The following ARHGEF26 variants were observed in gnomAD, a reference collection of about 807,000 sequenced individuals.
ARHGEF26 encodes Rho guanine nucleotide exchange factor 26, also known as Rho guanine nucleotide exchange factor (GEF) 26.
A neutral mutation model predicts 89.4 loss-of-function variants in ARHGEF26; 59 were observed. The ratio of observed to expected loss-of-function variants is 0.66; its 90% CI spans 0.54 to 0.82. The LOEUF (loss-of-function observed/expected upper bound fraction) is 0.82, where lower values mean the gene tolerates loss of function less well. Ranked by LOEUF, ARHGEF26 falls within the 40% of genes least tolerant of loss-of-function variation. The pLI is 0.00. For synonymous variants in ARHGEF26, 500 were observed against 428.4 expected (o/e 1.17, Z -2.06); for missense variants, 1,234 against 1,085.6 (o/e 1.14, Z -1.92).
At position 154,122,243 on chromosome 3, in the gene ARHGEF26, T is replaced by C. The variant is rs771585188; in HGVS notation, c.251T>C (p.Leu84Pro). The C allele has an allele frequency of 2.5e-6, 4 of 1,611,292 alleles. No homozygotes were observed. In the South Asian group the frequency reaches 3.3e-5, roughly 13 times the overall value. Residue 84 changes from leucine to proline, a missense_variant, in exon 2 of 15, where the codon CTG becomes CCG. Coordinates refer to ENST00000465093, the MANE Select transcript of ARHGEF26 (RefSeq NM_015595.4). ...SRTVHRSPLL[L>P]GAQRRAVANG... ...ACGGTACATAGGAGCCCCCTGCTTC[T>C]GGGCGCCCAGCGGAGAGCGGTGGCC...
chr3:154,123,943 T>C (rs2108034079), intron 2 of ARHGEF26, among the ~76,000 whole-genome samples: 1 of 152,334 alleles, frequency 6.6e-6, no homozygotes, highest in Non-Finnish European at 1.5e-5. Context: ...CAGCCACATT[T>C]TTTCTTGGTT....
intron 9 of ARHGEF26, among the ~76,000 whole-genome samples, chr3:154,210,650 C>T (rs192985241): frequency 1.3e-5 from 2 of 151,434 alleles, no homozygotes; most frequent in East Asian, 2.0e-4. Context: ...TGTCTACAAA[C>T]GTTGTCTGGG....
intron 8 of ARHGEF26, among the ~76,000 whole-genome samples, chr3:154,193,590 A>G (rs1714083697): frequency 6.6e-6 from 1 of 152,212 alleles, no homozygotes; most frequent in Admixed American, 6.5e-5. Context: ...AAATGTATTT[A>G]AAATAGTGTC....
chr3:154,122,094 G>A lies in ARHGEF26; in HGVS notation c.102G>A (p.Lys34=), dbSNP rs1200639027. The A allele has an allele frequency of 8.7e-6, 14 of 1,611,568 alleles. No homozygotes were observed. The highest frequency in any genetic ancestry group is 1.1e-5 in the Non-Finnish European group (13 of 1,178,944). Residue 34 remains lysine, a synonymous_variant, in exon 2 of 15, where the codon AAG becomes AAA. Transcript: ENST00000465093. ...PQPHQVLGRS[K]PRPQSYQSPN... ...CCCACCAGGTTCTGGGCCGGAGCAA[G>A]CCGAGGCCCCAGTCCTACCAGAGCC...
chr3:154,181,727 C>A (rs1207348305), intron 6 of ARHGEF26, among the ~76,000 whole-genome samples: 1 of 152,046 alleles, frequency 6.6e-6, no homozygotes, highest in Non-Finnish European at 1.5e-5. Context: ...ATTGTAAAGA[C>A]TTGTGCTGGG....
chr3:154,152,351 CAA>C (rs921112386), intron 5 of ARHGEF26, among the ~76,000 whole-genome samples: 1 of 152,112 alleles, frequency 6.6e-6, no homozygotes, highest in African/African-American at 2.4e-5. Flanking sequence ...CTCTGAATCT[CAA>C]GAGATGACCA....
intron 10 of ARHGEF26, among the ~76,000 whole-genome samples, chr3:154,224,181 G>A (rs1716321696): frequency 6.6e-6 from 1 of 152,008 alleles, no homozygotes; most frequent in South Asian, 2.1e-4. Flanking sequence ...TCCTTTATTT[G>A]GATCATTTTA....
At chr3:154,123,985 G>T (rs2108034171) in intron 2 of ARHGEF26, among the ~76,000 whole-genome samples, 1 of 152,252 alleles carries the variant, frequency 6.6e-6, no homozygotes, top group East Asian at 1.9e-4. Context: ...CTATATAAAT[G>T]GCACATATGC....
intron 6 of ARHGEF26, among the ~76,000 whole-genome samples, chr3:154,169,700 T>C (rs1225331738): frequency 1.3e-5 from 2 of 152,202 alleles, no homozygotes; most frequent in Non-Finnish European, 2.9e-5. Context: ...CAACAATATG[T>C]CATAGTTTTG....
At chr3:154,184,936 C>T (rs1287346349) in intron 6 of ARHGEF26, among the ~76,000 whole-genome samples, 1 of 152,206 alleles carries the variant, frequency 6.6e-6, no homozygotes, top group East Asian at 1.9e-4. Flanking sequence ...GGAGTCTGTA[C>T]CTCAGCTCCA....
chr3:154,210,404 G>T (rs576888606), intron 9 of ARHGEF26, among the ~76,000 whole-genome samples: 2 of 152,124 alleles, frequency 1.3e-5, no homozygotes, highest in South Asian at 2.1e-4. Flanking sequence ...AAGGCAGCAG[G>T]TTCCCTTCTG....
intron 6 of ARHGEF26, among the ~76,000 whole-genome samples, chr3:154,163,777 A>G (rs1338479118): frequency 1.3e-5 from 2 of 152,224 alleles, no homozygotes; most frequent in African/African-American, 4.8e-5. Context: ...AATATTGTCC[A>G]TATCTTTAGC....
chr3:154,254,204 C>T (rs1275231410), intron 13 of ARHGEF26, among the ~76,000 whole-genome samples: 1 of 152,066 alleles, frequency 6.6e-6, no homozygotes, highest in Non-Finnish European at 1.5e-5. Flanking sequence ...CGTGAGCCAC[C>T]GTGCCCGGCC....
intron 9 of ARHGEF26, among the ~76,000 whole-genome samples, chr3:154,213,782 G>A (rs966309454): frequency 1.3e-5 from 2 of 152,054 alleles, no homozygotes; most frequent in African/African-American, 2.4e-5. Flanking sequence ...AAAAAAAGAC[G>A]GGAAGATAAC....
In ARHGEF26 at chr3:154,127,600, ATTTT is replaced by A. The variant is rs59102588; in HGVS notation, c.1124-1959_1124-1956del. On this transcript the variant is annotated intron_variant, in intron 3 of 14. Coordinates refer to ENST00000465093, the MANE Select transcript of ARHGEF26 (RefSeq NM_015595.4). Reference sequence around the variant, plus strand: ...GCCTGAGGCTGTTTCACAGTTAACTATTTTTTTTTTTTTTTTTTGGTAAGTAGGA... The same window carrying A: ...GCCTGAGGCTGTTTCACAGTTAACTATTTTTTTTTTTTTTGGTAAGTAGGA... Among the ~76,000 whole-genome samples, 87 of 139,712 alleles carry A rather than the reference ATTTT, an allele frequency of 6.2e-4. No homozygotes were observed. In the East Asian group the frequency reaches 7.1e-3, roughly 11 times the overall value. 91.7% of individuals were successfully genotyped at this position (139,712 alleles called of 152,430 possible).
intron 12 of ARHGEF26, among the ~76,000 whole-genome samples, chr3:154,250,286 A>G (rs1365980491): frequency 6.6e-6 from 1 of 152,022 alleles, no homozygotes; most frequent in African/African-American, 2.4e-5. Flanking sequence ...CTCGGCCTCC[A>G]AAAGTGCTGG....
Position 154,122,575 on chromosome 3 carries a change from G to A in ARHGEF26, c.583G>A (p.Ala195Thr), listed in dbSNP as rs775299751. Residue 195 changes from alanine (A) to threonine (T), a missense_variant, in exon 2 of 15, where the codon GCA (alanine) becomes ACA (threonine). Coordinates refer to ENST00000465093, the MANE Select transcript of ARHGEF26 (RefSeq NM_015595.4). ...PGSGSQSGRK[A>T]KDPERGLFPG... ...GTCAGGTTCGCAGTCCGGCCGGAAG[G>A]CAAAGGACCCCGAACGGGGGCTCTT... 6.2e-7 allele frequency: 1 copy of A among 1,613,584 alleles called. No homozygotes were observed. Among genetic ancestry groups the A allele is most frequent in the Non-Finnish European group, 8.5e-7 (1 of 1,179,880 alleles).
chr3:154,229,013 G>A (rs1055889057), intron 11 of ARHGEF26, among the ~76,000 whole-genome samples: 3 of 152,084 alleles, frequency 2.0e-5, no homozygotes, highest in Admixed American at 6.6e-5. Flanking sequence ...TTCCTCCTCC[G>A]ATCCAGACTG....
At chr3:154,181,735 G>T (rs958663745) in intron 6 of ARHGEF26, among the ~76,000 whole-genome samples, 1 of 152,074 alleles carries the variant, frequency 6.6e-6, no homozygotes, top group African/African-American at 2.4e-5. Flanking sequence ...GACTTGTGCT[G>T]GGAGTTTGTG....
Sources: gnomAD v4.1 joint callset for allele counts (sites outside exome capture counted in the v4.1 genomes callset) on GRCh38, gnomAD v4.1.1 for gene constraint, MANE v1.5 for transcripts, NCBI Gene and HGNC (gene_info 2026-07-23, HGNC 2026-07-21) for gene names.